The following NCALD variants were observed in gnomAD, a reference collection of about 807,000 sequenced individuals.
NCALD encodes neurocalcin-delta.
Under a neutral mutation model 18.6 loss-of-function variants are expected in NCALD, and 10 were observed. The observed-to-expected ratio is 0.54, with a 90% CI of 0.33 to 0.91. NCALD has a LOEUF of 0.91. Among genes scored for constraint, NCALD ranks in the 40% least tolerant of loss-of-function variants. The pLI is 0.03. For missense variants in NCALD, 184 were observed against 247.6 expected, an observed-to-expected ratio of 0.74 and a Z score of 1.72; for synonymous variants, 88 against 87.4, an observed-to-expected ratio of 1.01 and a Z score of -0.04.
chr8:101,722,389 C>T (rs1816401513), intron 1 of NCALD, among the ~76,000 whole-genome samples: 1 of 152,154 alleles, frequency 6.6e-6, no homozygotes, highest in Non-Finnish European at 1.5e-5. Flanking sequence ...TCCGGTAATA[C>T]ATAATACCCG....
At chr8:101,804,044 A>G (rs1812967229) in intron 4 of NCALD, among the ~76,000 whole-genome samples, 1 of 152,048 alleles carries the variant, frequency 6.6e-6, no homozygotes, top group African/African-American at 2.4e-5. Context: ...CGCCAGCCTG[A>G]TCAGTCAGCA....
intron 3 of NCALD, among the ~76,000 whole-genome samples, chr8:101,907,072 G>A (rs374462220): frequency 6.6e-6 from 1 of 152,060 alleles, no homozygotes; most frequent in Non-Finnish European, 1.5e-5. Context: ...TTAAAATGTT[G>A]ATCTTTGTCC....
intron 1 of NCALD, among the ~76,000 whole-genome samples, chr8:101,726,493 A>T (rs1816580259): frequency 6.6e-6 from 1 of 152,226 alleles, no homozygotes. Context: ...CATATGTAAG[A>T]TGTGAAAAAA....
chr8:102,014,176 T>C (rs966830479), intron 2 of NCALD, among the ~76,000 whole-genome samples: 1 of 152,234 alleles, frequency 6.6e-6, no homozygotes, highest in Non-Finnish European at 1.5e-5. Context: ...GCATGGCTTA[T>C]AAGCAACATT....
In NCALD at chr8:101,946,923, C is replaced by T. The variant is rs552261059; in HGVS notation, c.-156-31065G>A. Among the ~76,000 whole-genome samples the T allele has an allele frequency of 4.0e-5, 6 of 151,628 alleles. No homozygotes were observed. In the South Asian group the frequency reaches 1.2e-3, roughly 32 times the overall value. The stretch of plus-strand genomic sequence containing the variant: ...TAGACATCTCAACTGGTTCAGCTTG[C>T]ACAATTCTGATTAAAAAATTAAAGT... On this transcript the variant is annotated intron_variant, in intron 2 of 6. Coordinates refer to the NCALD transcript ENST00000311028.
chr8:101,922,856 A>G (rs1240564628), intron 2 of NCALD, among the ~76,000 whole-genome samples: 1 of 152,236 alleles, frequency 6.6e-6, no homozygotes, highest in Non-Finnish European at 1.5e-5. Flanking sequence ...GAGATTAACC[A>G]CAACCAATAA....
intron 1 of NCALD, among the ~76,000 whole-genome samples, chr8:101,743,587 T>C (rs906769554): frequency 4.6e-5 from 7 of 152,190 alleles, no homozygotes; most frequent in African/African-American, 7.2e-5. Flanking sequence ...AAAGTGATAC[T>C]TTCCTCTTGA....
rs573609699 is a variant in NCALD at position 102,044,209 on chromosome 8, T to A, written c.-209-23920A>T. ...TGATAAATTTAAGCCTAACAAAGAC[T>A]GGAAGAAACAGAAGAAGAATTTGGA... is the stretch of plus-strand genomic sequence containing the variant. On this transcript the variant is annotated intron_variant, in intron 1 of 6. Transcript: ENST00000311028. 2.0e-5 allele frequency among the ~76,000 whole-genome samples: 3 copies of A among 152,116 alleles called. No homozygotes were observed. The South Asian group carries it at 6.2e-4, about 31-fold the overall frequency.
intron 1 of NCALD, among the ~76,000 whole-genome samples, chr8:102,095,564 T>G (rs2132391431): frequency 6.6e-6 from 1 of 152,320 alleles, no homozygotes; most frequent in African/African-American, 2.4e-5. Flanking sequence ...GTTAGTGGGT[T>G]CATTAAAAGG....
intron 4 of NCALD, among the ~76,000 whole-genome samples, chr8:101,880,078 G>C (rs117153637): frequency 1.7e-4 from 25 of 149,086 alleles, no homozygotes; most frequent in Admixed American, 4.0e-4. Flanking sequence ...CCCATGGTGT[G>C]GGGGGGAGGG....
intron 1 of NCALD, among the ~76,000 whole-genome samples, chr8:101,747,721 T>G (rs1189255167): frequency 6.8e-6 from 1 of 146,838 alleles, no homozygotes; most frequent in Non-Finnish European, 1.5e-5. Flanking sequence ...AAAAGTGATT[T>G]TTTTTTTTTT....
chr8:102,073,191 C>T (rs1208280201), intron 1 of NCALD, among the ~76,000 whole-genome samples: 8 of 152,152 alleles, frequency 5.3e-5, no homozygotes, highest in African/African-American at 1.4e-4. Context: ...ATCCCGGCTA[C>T]TCAGGAGGCT....
intron 4 of NCALD, among the ~76,000 whole-genome samples, chr8:101,826,234 C>A (rs967873021): frequency 2.6e-5 from 4 of 152,194 alleles, no homozygotes; most frequent in Non-Finnish European, 5.9e-5. Context: ...AGACTGGACC[C>A]TAGGCGGGAG....
intron 1 of NCALD, among the ~76,000 whole-genome samples, chr8:102,095,417 C>A (rs1235327963): frequency 6.6e-6 from 1 of 152,090 alleles, no homozygotes; most frequent in Non-Finnish European, 1.5e-5. Context: ...TTTCCAATTG[C>A]CCAAAATGAG....
intron 1 of NCALD, among the ~76,000 whole-genome samples, chr8:101,741,665 G>C (rs1810189867): frequency 6.7e-6 from 1 of 150,278 alleles, no homozygotes; most frequent in Admixed American, 6.7e-5. Flanking sequence ...AGGTATGGTG[G>C]CTCATTTTCC....
chr8:101,837,652 T>A (rs938127806), intron 4 of NCALD, among the ~76,000 whole-genome samples: 3 of 152,152 alleles, frequency 2.0e-5, no homozygotes, highest in African/African-American at 7.2e-5. Flanking sequence ...ATTACAAATA[T>A]AAATCTTATG....
At chr8:101,797,367 CA>C (rs1812676664) in intron 4 of NCALD, among the ~76,000 whole-genome samples, 1 of 152,144 alleles carries the variant, frequency 6.6e-6, no homozygotes, top group South Asian at 2.1e-4. Flanking sequence ...ATCTTAAAAA[CA>C]GCAAGATAAA....
In NCALD at chr8:102,005,932, T is replaced by C. The variant is rs554004356; in HGVS notation, c.-157+14305A>G. Among the ~76,000 whole-genome samples the C allele has an allele frequency of 2.3e-3, 346 of 151,210 alleles. 2 individuals carry two copies. Among genetic ancestry groups the C allele is most frequent in the African/African-American group, 8.0e-3 (328 of 41,152 alleles). On this transcript the variant is annotated intron_variant, in intron 2 of 6. Transcript: ENST00000311028. ...CATTAGGAGATATACCTAATGTAAA[T>C]GACGAGTTAATGGGTGCAGCACACC...
intron 4 of NCALD, among the ~76,000 whole-genome samples, chr8:101,872,731 C>A (rs1586669423): frequency 6.6e-6 from 1 of 152,190 alleles, no homozygotes; most frequent in Non-Finnish European, 1.5e-5. Context: ...TAGAGGAAGT[C>A]TACACTCATT....
Sources: gnomAD v4.1 joint callset for allele counts (sites outside exome capture counted in the v4.1 genomes callset) on GRCh38, gnomAD v4.1.1 for gene constraint, MANE v1.5 for transcripts, NCBI Gene and HGNC (gene_info 2026-07-23, HGNC 2026-07-21) for gene names.